The following CYP2J2 variants were observed in gnomAD, a reference collection of about 807,000 sequenced individuals.
The protein encoded by CYP2J2 is cytochrome P450 family 2 subfamily J member 2.
Under a neutral mutation model 48.8 loss-of-function variants are expected in CYP2J2, and 41 were observed. The observed-to-expected ratio is 0.84, with a 90% CI of 0.66 to 1.09. The LOEUF is 1.09. Ranked by LOEUF, CYP2J2 falls within the 50% of genes least tolerant of loss-of-function variation. CYP2J2 has a pLI of 0.00. For synonymous variants in CYP2J2, 221 were observed against 227.1 expected (o/e 0.97, Z 0.24); for missense variants, 644 against 617.3 (o/e 1.04, Z -0.46).
At chr1:59,968,654 C>T in the CYP2J2 span, among the ~76,000 whole-genome samples, 1 of 152,202 alleles carries the variant, frequency 6.6e-6, no homozygotes, top group Non-Finnish European at 1.5e-5. Flanking sequence ...GACAGTGACA[C>T]CAGAGGATGG....
At chr1:59,933,499 A>G in the CYP2J2 span, among the ~76,000 whole-genome samples, 2 of 152,180 alleles carry the variant, frequency 1.3e-5, no homozygotes, top group Non-Finnish European at 2.9e-5. Context: ...GTGTATAGAA[A>G]CACAGCTGAT....
At chr1:59,934,256 A>G in the CYP2J2 span, among the ~76,000 whole-genome samples, 1 of 152,180 alleles carries the variant, frequency 6.6e-6, no homozygotes, top group Non-Finnish European at 1.5e-5. Context: ...AAAAACCTAA[A>G]CATATGACGT....
the CYP2J2 span, among the ~76,000 whole-genome samples, chr1:59,938,319 G>A: frequency 2.6e-5 from 4 of 152,240 alleles, no homozygotes; most frequent in Non-Finnish European, 4.4e-5. Context: ...ACCGGTCTCT[G>A]AGTTCCCTCA....
intron 3 of CYP2J2, 147 bp from the exon 4 acceptor site, chr1:59,911,915 T>G: frequency 1.1e-6 from 1 of 899,240 alleles, no homozygotes; most frequent in Non-Finnish European, 1.7e-6. Flanking sequence ...GCATCTGACA[T>G]ACAACAAGTA....
chr1:59,938,689 A>G, the CYP2J2 span, among the ~76,000 whole-genome samples: 1 of 152,178 alleles, frequency 6.6e-6, no homozygotes, highest in African/African-American at 2.4e-5. Context: ...TCTCAACTGC[A>G]GGAGGCTTTC....
At chr1:59,951,206 C>T in the CYP2J2 span, among the ~76,000 whole-genome samples, 11 of 152,192 alleles carry the variant, frequency 7.2e-5, no homozygotes, top group Non-Finnish European at 1.6e-4. Context: ...TGACCTTGAT[C>T]AGTTCAATAC....
chr1:59,903,782 T>G (rs1644341005), intron 7 of CYP2J2, among the ~76,000 whole-genome samples: 1 of 152,190 alleles, frequency 6.6e-6, no homozygotes, highest in Non-Finnish European at 1.5e-5. Flanking sequence ...GCAAGTCCTG[T>G]GAAGGGAGCA....
the CYP2J2 span, among the ~76,000 whole-genome samples, chr1:59,944,860 A>T: frequency 6.6e-6 from 1 of 151,814 alleles, no homozygotes; most frequent in Non-Finnish European, 1.5e-5. Flanking sequence ...ATTTGCATTT[A>T]TTTTTTTTCT....
chr1:59,896,020 T>C (rs957059096), intron 8 of CYP2J2, among the ~76,000 whole-genome samples: 15 of 152,182 alleles, frequency 9.9e-5, no homozygotes, highest in African/African-American at 3.6e-4. Context: ...ATTTGACCAT[T>C]AGATGCCCAA....
At chr1:59,947,527 A>T in the CYP2J2 span, among the ~76,000 whole-genome samples, 1 of 152,172 alleles carries the variant, frequency 6.6e-6, no homozygotes, top group Non-Finnish European at 1.5e-5. Context: ...TGTGGTCTTA[A>T]GGTGCAACTA....
At chr1:59,931,692 T>C (rs1644605003), upstream of CYP2J2, among the ~76,000 whole-genome samples, 1 of 152,086 alleles carries the variant, frequency 6.6e-6, no homozygotes, top group Non-Finnish European at 1.5e-5. Flanking sequence ...TTTTCAGCAT[T>C]AAAAACTGTT....
At chr1:59,936,552 T>C in the CYP2J2 span, among the ~76,000 whole-genome samples, 1 of 152,214 alleles carries the variant, frequency 6.6e-6, no homozygotes, top group Non-Finnish European at 1.5e-5. Flanking sequence ...TTGGATTTCC[T>C]TGGGGTGCCG....
At chr1:59,955,542 T>C in the CYP2J2 span, among the ~76,000 whole-genome samples, 1 of 152,092 alleles carries the variant, frequency 6.6e-6, no homozygotes, top group Non-Finnish European at 1.5e-5. Flanking sequence ...GATTGCTTTT[T>C]ACTTGCAAAG....
At chr1:59,907,703 T>TATC (rs1644376336) in intron 6 of CYP2J2, 83 bp downstream of exon 6, 1 of 1,466,128 alleles carries the variant, frequency 6.8e-7, no homozygotes, top group Non-Finnish European at 9.4e-7. Context: ...CCTACAATGC[T>TATC]ATCTTCTGGC....
intron 1 of CYP2J2, among the ~76,000 whole-genome samples, chr1:59,917,208 T>G (rs568656725): frequency 1.7e-4 from 26 of 152,276 alleles, no homozygotes; most frequent in African/African-American, 6.3e-4. Context: ...GGCACTTTGT[T>G]TTCTTGTTCC....
chr1:59,967,803 GC>G, the CYP2J2 span, among the ~76,000 whole-genome samples: 28 of 152,306 alleles, frequency 1.8e-4, no homozygotes, highest in Admixed American at 1.8e-3. Flanking sequence ...TGAAATACTG[GC>G]CTTTTAAATA....
At chr1:59,966,563 C>T in the CYP2J2 span, among the ~76,000 whole-genome samples, 4 of 152,066 alleles carry the variant, frequency 2.6e-5, no homozygotes, top group African/African-American at 9.7e-5. Flanking sequence ...CTGTTTTTGC[C>T]TAATGCAACA....
intron 8 of CYP2J2, among the ~76,000 whole-genome samples, chr1:59,896,262 A>C (rs1362019120): frequency 6.6e-6 from 1 of 151,808 alleles, no homozygotes. Flanking sequence ...TATGTATATA[A>C]TGTGGGTATA....
the CYP2J2 span, among the ~76,000 whole-genome samples, chr1:59,961,288 A>C: frequency 6.6e-6 from 1 of 152,236 alleles, no homozygotes; most frequent in Non-Finnish European, 1.5e-5. Flanking sequence ...AATAATTAAA[A>C]GGCAAATAAC....
Sources: gnomAD v4.1 joint callset for allele counts (sites outside exome capture counted in the v4.1 genomes callset) on GRCh38, gnomAD v4.1.1 for gene constraint, MANE v1.5 for transcripts, NCBI Gene and HGNC (gene_info 2026-07-23, HGNC 2026-07-21) for gene names.